The following GNAT2 variants were observed in gnomAD, a reference collection of about 807,000 sequenced individuals.
GNAT2 encodes G protein subunit alpha transducin 2.
In GNAT2, 32 loss-of-function variants were observed where a neutral mutation model predicts 40.9. The ratio of observed to expected loss-of-function variants is 0.78; its 90% confidence interval spans 0.59 to 1.05. The LOEUF is 1.05. GNAT2 is among the 50% of genes least tolerant of loss of function. The pLI, the probability that GNAT2 is intolerant of heterozygous loss-of-function variation, is 0.00. For missense variants in GNAT2, 355 were observed against 431.5 expected (o/e 0.82, Z 1.57); for synonymous variants, 141 against 157.2 (o/e 0.90, Z 0.77).
intron 4 of GNAT2, 73 bp from the exon 5 acceptor site, chr1:109,608,861 G>T: frequency 8.8e-7 from 1 of 1,136,004 alleles, no homozygotes; most frequent in Non-Finnish European, 1.3e-6. Flanking sequence ...GAATACTGCT[G>T]AATGGAAATC....
chr1:109,609,905 G>C (rs1425975149), intron 4 of GNAT2, 135 bp downstream of exon 4: 4 of 864,862 alleles, frequency 4.6e-6, no homozygotes, highest in Non-Finnish European at 7.8e-6. Flanking sequence ...CTAGCAGTGA[G>C]ATCCCACCCA....
At chr1:109,608,211 A>C (rs60869358) in intron 5 of GNAT2, 1 of 282,182 alleles carries the variant, frequency 3.5e-6, no homozygotes, top group African/African-American at 2.2e-5. Context: ...CCAGATAGAA[A>C]ATTCTGCCCT....
In GNAT2 at chr1:109,610,511, G is replaced by A; in HGVS notation, c.119-4C>T. The A allele has an allele frequency of 1.2e-6, 2 of 1,613,294 alleles. No individual in the cohort carries two copies. Among genetic ancestry groups the A allele is most frequent in the Non-Finnish European group, 1.7e-6 (2 of 1,179,346 alleles). ...CTCTTTCCTGACTCCCCAGCACCTG[G>A]AAGGAAAAATGCTTATGCTTTCGAT... On this transcript the variant is annotated splice_region_variant and splice_polypyrimidine_tract_variant and intron_variant, in intron 2 of 8. Transcript: ENST00000679935.
In GNAT2 at chr1:109,606,057, C is replaced by G; in HGVS notation, c.633G>C (p.Trp211Cys). ...AGGTGACTCCCTCGAAGCAGTGGAT[C>G]CACTTCTTTCTCTCGGATCTCTGCC... ...VGGQRSERKK[W>C]IHCFEGVTCI... The change falls in exon 7 of 9, where the codon TGG (tryptophan) becomes TGC (cysteine). Residue 211 changes from tryptophan to cysteine, a missense_variant. By Grantham distance (215) the Trp-to-Cys change is radical. Coordinates refer to ENST00000679935, the MANE Select transcript of GNAT2 (RefSeq NM_001377295.2). 1 of 1,613,494 alleles carries G rather than the reference C, an allele frequency of 6.2e-7. No individual in the cohort carries two copies. Among genetic ancestry groups the G allele is most frequent in the Non-Finnish European group, 8.5e-7 (1 of 1,179,362 alleles).
intron 1 of GNAT2, chr1:109,613,138 A>G (rs1649853131): frequency 4.5e-6 from 2 of 443,638 alleles, no homozygotes; most frequent in East Asian, 9.9e-5. Flanking sequence ...GGTCAAGCCA[A>G]TTAAGAGCTT....
At chr1:109,606,832 A>C in intron 5 of GNAT2, 1 of 236,136 alleles carries the variant, frequency 4.2e-6, no homozygotes, top group Non-Finnish European at 8.5e-6. Flanking sequence ...TTATATCCTG[A>C]ATCAAACTGG....
chr1:109,610,370 C>G, intron 3 of GNAT2, 95 bp downstream of exon 3: 1 of 1,317,222 alleles, frequency 7.6e-7, no homozygotes, highest in Admixed American at 1.7e-5. Context: ...TACCTGGGCT[C>G]CTTGAGGCTA....
chr1:109,606,684 G>A (rs1649607811), intron 5 of GNAT2: 1 of 457,482 alleles, frequency 2.2e-6, no homozygotes, highest in Non-Finnish European at 4.0e-6. Context: ...AGTTAGATAA[G>A]TTTTCCTTGG....
Position 109,603,990 on chromosome 1 carries a change from T to A in GNAT2, c.835A>T (p.Lys279Ter). 1.9e-6 allele frequency: 3 copies of A among 1,611,418 alleles called. No individual in the cohort carries two copies. The East Asian group carries it at 6.7e-5, about 36-fold the overall frequency. ...AAACAAATGCTGAGATGGACTTTCT[T>A]GATTTTTTCCTCAAAGAGGTCCTTC... ...NKKDLFEEKI[K>*]KVHLSICFPE... is the part of the protein sequence containing the mutation. The change falls in exon 8 of 9, where the codon AAG becomes TAG. Residue 279 changes from lysine to a stop codon, truncating the protein, a stop_gained. Transcript: ENST00000679935. LOFTEE classifies it high-confidence loss of function.
At chr1:109,605,787 T>C (rs1197905337) in intron 7 of GNAT2, 183 bp downstream of exon 7, 2 of 601,222 alleles carry the variant, frequency 3.3e-6, no homozygotes, top group South Asian at 1.7e-5. Flanking sequence ...TCTAAAATGC[T>C]AATCTAGAAC....
At chr1:109,606,709 C>A in intron 5 of GNAT2, 1 of 408,962 alleles carries the variant, frequency 2.4e-6, no homozygotes, top group South Asian at 2.2e-5. Context: ...GCCCTGACTG[C>A]AAGCTTTTGT....
chr1:109,604,281 C>CTA, intron 7 of GNAT2, 177 bp from the exon 8 acceptor site: 1 of 626,108 alleles, frequency 1.6e-6, no homozygotes, highest in Non-Finnish European at 2.9e-6. Context: ...TTCTAGTTCC[C>CTA]TATCTTTCTA....
At chr1:109,611,771 C>G (rs1343647376) in intron 2 of GNAT2, 1 of 152,246 alleles carries the variant, frequency 6.6e-6, no homozygotes, top group Non-Finnish European at 1.5e-5. Context: ...TCTGTTTCCC[C>G]CTGCGTAACC....
In GNAT2 at chr1:109,603,940, C is replaced by G; in HGVS notation, c.874+11G>C. On this transcript the variant is annotated intron_variant, in intron 8 of 8. Coordinates refer to ENST00000679935, the MANE Select transcript of GNAT2 (RefSeq NM_001377295.2). Reference sequence around the variant, plus strand: ...AAGGCATTATTATTATTTCCAGCCCCTGACACTTACCATCATACTCTGGAA... The same window carrying G: ...AAGGCATTATTATTATTTCCAGCCCGTGACACTTACCATCATACTCTGGAA... The G allele has an allele frequency of 6.3e-7, 1 of 1,584,278 alleles. No homozygotes were observed. The highest frequency in any genetic ancestry group is 8.7e-7 in the Non-Finnish European group (1 of 1,153,852).
At chr1:109,616,118 A>T (rs1289279771) in intron 1 of GNAT2, 2 of 152,236 alleles carry the variant, frequency 1.3e-5, no homozygotes, top group Admixed American at 1.3e-4. Context: ...CTGTGCATAC[A>T]TCATCCTGAT....
rs1452215219 is a variant in GNAT2, at chr1:109,603,908, C to T, written c.874+43G>A. ...TAAAAAATGAGACAATTGCCAGTCT[C>T]TACTAAAAGGCATTATTATTATTTC... On this transcript the variant is annotated intron_variant, in intron 8 of 8. Transcript: ENST00000679935. The T allele has an allele frequency of 3.6e-6, 5 of 1,407,454 alleles. No individual in the cohort carries two copies. In the East Asian group the frequency reaches 9.1e-5, roughly 26 times the overall value. The allele number at this position is 1,407,454 out of a possible 1,614,324, so 87.2% of individuals were successfully genotyped here.
At chr1:109,614,397 A>G (rs904155649) in intron 1 of GNAT2, 1 of 152,224 alleles carries the variant, frequency 6.6e-6, no homozygotes, top group Admixed American at 6.5e-5. Flanking sequence ...ATGTTTTTAA[A>G]TGGTATGTTA....
At chr1:109,608,263 T>C in intron 5 of GNAT2, 1 of 353,454 alleles carries the variant, frequency 2.8e-6, no homozygotes, top group Non-Finnish European at 5.5e-6. Flanking sequence ...CGAGAGTGTA[T>C]GACAGAACTG....
chr1:109,611,220 G>A (rs1649783483), intron 2 of GNAT2: 1 of 153,070 alleles, frequency 6.5e-6, no homozygotes, highest in South Asian at 2.0e-4. Context: ...CTGTCTCCCA[G>A]GCTGGAGTGC....
Sources: allele counts gnomAD v4.1 joint callset, GRCh38; gene constraint gnomAD v4.1.1; transcripts MANE v1.5; gene names NCBI Gene and HGNC (gene_info 2026-07-23, HGNC 2026-07-21).